Variants in CFAP20DC observed in about 807,000 individuals in gnomAD.
CFAP20DC encodes the protein protein CFAP20DC.
Under a neutral mutation model 101.7 loss-of-function variants are expected in CFAP20DC, and 84 were observed. The ratio of observed to expected loss-of-function variants is 0.83; its 90% CI spans 0.69 to 0.99. The LOEUF (loss-of-function observed/expected upper bound fraction) is 0.99, where lower values mean the gene tolerates loss of function less well. Among genes scored for constraint, CFAP20DC ranks in the 50% least tolerant of loss-of-function variants. CFAP20DC has a pLI of 0.00. For missense variants in CFAP20DC, 1,007 were observed against 970.3 expected, an observed-to-expected ratio of 1.04 and a Z score of -0.50; for synonymous variants, 359 against 351.2, an observed-to-expected ratio of 1.02 and a Z score of -0.25.
intron 4 of CFAP20DC, among the ~76,000 whole-genome samples, chr3:58,990,958 C>T (rs2108615935): frequency 6.6e-6 from 1 of 152,222 alleles, no homozygotes; most frequent in South Asian, 2.1e-4. Context: ...TACCAGAATG[C>T]AAACTTCATG....
At chr3:58,865,599 A>C (rs2079620939) in intron 11 of CFAP20DC, among the ~76,000 whole-genome samples, 1 of 152,186 alleles carries the variant, frequency 6.6e-6, no homozygotes, top group Non-Finnish European at 1.5e-5. Context: ...GGGCTCCCCT[A>C]TTTTGGACAG....
chr3:58,867,537 AT>A (rs1041555696), intron 10 of CFAP20DC, among the ~76,000 whole-genome samples: 1 of 152,114 alleles, frequency 6.6e-6, no homozygotes, highest in Admixed American at 6.5e-5. Flanking sequence ...CATTTGGGCC[AT>A]TTTTTTCAAA....
intron 13 of CFAP20DC, among the ~76,000 whole-genome samples, chr3:58,837,502 A>C (rs1175774461): frequency 6.6e-6 from 1 of 152,116 alleles, no homozygotes; most frequent in African/African-American, 2.4e-5. Context: ...TGGGGTACTG[A>C]TCTTGCTCTT....
chr3:58,898,560 G>A (rs1391264146), intron 6 of CFAP20DC, among the ~76,000 whole-genome samples: 1 of 152,080 alleles, frequency 6.6e-6, no homozygotes, highest in African/African-American at 2.4e-5. Context: ...TCTTTAAACT[G>A]GCTATTTTGG....
intron 15 of CFAP20DC, among the ~76,000 whole-genome samples, chr3:58,763,090 G>T (rs1037289182): frequency 2.6e-5 from 4 of 152,150 alleles, no homozygotes; most frequent in South Asian, 2.1e-4. Context: ...GGCCTGCCTT[G>T]CTAGATTGGG....
At chr3:58,814,136 AC>A (rs1436642171) in intron 14 of CFAP20DC, among the ~76,000 whole-genome samples, 15 of 151,698 alleles carry the variant, frequency 9.9e-5, no homozygotes, top group African/African-American at 2.9e-4. Flanking sequence ...CATTTCCATG[AC>A]TCTCTAAGCA....
intron 15 of CFAP20DC, among the ~76,000 whole-genome samples, chr3:58,763,001 T>C (rs2069810714): frequency 6.6e-6 from 1 of 152,232 alleles, no homozygotes; most frequent in African/African-American, 2.4e-5. Flanking sequence ...TTGGTGAATC[T>C]GACAATGATG....
In CFAP20DC at chr3:58,876,205, C is replaced by T. The variant is rs1055557871; in HGVS notation, c.716-5896G>A. On this transcript the variant is annotated intron_variant, in intron 7 of 16. Transcript: ENST00000482387. ...ATAATGAACACACCAATTCTTAAGT[C>T]CTGCTTCACTTTAAAAAATCTGTGT... is the stretch of plus-strand genomic sequence containing the variant. Among the ~76,000 whole-genome samples, 33 of 152,056 alleles carry T rather than the reference C, an allele frequency of 2.2e-4. 1 individual carries two copies. Among genetic ancestry groups the T allele is most frequent in the Non-Finnish European group, 4.7e-4 (32 of 67,984 alleles).
chr3:58,822,316 C>CAA (rs1450233203), intron 14 of CFAP20DC, among the ~76,000 whole-genome samples: 1 of 131,088 alleles, frequency 7.6e-6, no homozygotes, highest in Non-Finnish European at 1.6e-5. Flanking sequence ...CATGAAAAAA[C>CAA]AAACAAACAA....
At chr3:58,824,105 T>C (rs2075875918) in intron 14 of CFAP20DC, among the ~76,000 whole-genome samples, 1 of 152,162 alleles carries the variant, frequency 6.6e-6, no homozygotes, top group Non-Finnish European at 1.5e-5. Flanking sequence ...ATATCATTTC[T>C]ATAGTTGTAT....
intron 5 of CFAP20DC, among the ~76,000 whole-genome samples, chr3:58,928,425 G>C (rs923190426): frequency 8.5e-5 from 13 of 152,094 alleles, no homozygotes; most frequent in African/African-American, 1.9e-4. Context: ...TGTTCTAAGA[G>C]CTTTATGCTT....
intron 14 of CFAP20DC, among the ~76,000 whole-genome samples, chr3:58,823,322 G>A (rs1045124995): frequency 1.3e-5 from 2 of 152,082 alleles, no homozygotes; most frequent in Non-Finnish European, 2.9e-5. Flanking sequence ...GTAGCATCCT[G>A]TGAAAGCACC....
rs575732094 is a variant in CFAP20DC, at chr3:58,810,898, T to A, written c.2176-4442A>T. Among the ~76,000 whole-genome samples the A allele has an allele frequency of 2.2e-3, 341 of 151,882 alleles. 1 individual carries two copies. The highest frequency in any genetic ancestry group is 6.8e-3 in the Middle Eastern group (2 of 294). On this transcript the variant is annotated intron_variant, in intron 14 of 16. Transcript: ENST00000482387. ...AATGTACAAAAATCACAAGCATTCT[T>A]ATACACCAATAACAGGCAAACAGAG...
intron 7 of CFAP20DC, among the ~76,000 whole-genome samples, chr3:58,879,403 G>A (rs1016758036): frequency 3.9e-5 from 6 of 152,182 alleles, no homozygotes; most frequent in South Asian, 2.1e-4. Flanking sequence ...ACTATGTAAA[G>A]GGTTCAGTGC....
In CFAP20DC at chr3:58,866,657, A is replaced by G. The variant is rs375731210; in HGVS notation, c.1167T>C (p.Asp389=). 27 of 1,595,204 alleles carry G rather than the reference A, an allele frequency of 1.7e-5. No individual in the cohort carries two copies. Among genetic ancestry groups the G allele is most frequent in the Non-Finnish European group, 2.1e-5 (25 of 1,163,180 alleles). ...CAGTGGTGAGGATAGTTGATGCTTT[A>G]TCTTCAATCCTATTATTTCCTGAAG... ...GSSSGNNRIE[D]KASTILTTVS... Residue 389 remains aspartate (D), a synonymous_variant, in exon 11 of 17, where the codon GAT becomes GAC. Transcript: ENST00000482387.
intron 4 of CFAP20DC, among the ~76,000 whole-genome samples, chr3:59,013,917 A>G (rs915582945): frequency 6.6e-5 from 10 of 152,230 alleles, no homozygotes; most frequent in Middle Eastern, 6.3e-3. Flanking sequence ...TCAGGGAACA[A>G]GAATTAATTT....
At chr3:59,009,655 A>G (rs1288640245) in intron 4 of CFAP20DC, among the ~76,000 whole-genome samples, 1 of 152,136 alleles carries the variant, frequency 6.6e-6, no homozygotes, top group Admixed American at 6.5e-5. Context: ...TATTTGAGGG[A>G]ATAATTGAGG....
intron 3 of CFAP20DC, among the ~76,000 whole-genome samples, chr3:58,735,380 G>A (rs2067728562): frequency 6.6e-6 from 1 of 152,152 alleles, no homozygotes; most frequent in East Asian, 1.9e-4. Flanking sequence ...AACCACATGG[G>A]GTTAAGGCAA....
chr3:58,990,467 A>G (rs371046321), intron 4 of CFAP20DC, among the ~76,000 whole-genome samples: 124 of 152,288 alleles, frequency 8.1e-4, no homozygotes, highest in Middle Eastern at 3.4e-3. Context: ...TGCACAGAGT[A>G]AACAGGAGCT....
Sources: gnomAD v4.1 joint callset for allele counts (sites outside exome capture counted in the v4.1 genomes callset) on GRCh38, gnomAD v4.1.1 for gene constraint, MANE v1.5 for transcripts, NCBI Gene and HGNC (gene_info 2026-07-23, HGNC 2026-07-21) for gene names.